The following KIAA0825 variants were observed in gnomAD, a reference collection of about 807,000 sequenced individuals.
KIAA0825 encodes the protein KIAA0825.
A neutral mutation model predicts 147.6 loss-of-function variants in KIAA0825; 119 were observed. That is an observed-to-expected ratio of 0.81 (90% confidence interval 0.69 to 0.94). The LOEUF (loss-of-function observed/expected upper bound fraction) is 0.94, where lower values mean the gene tolerates loss of function less well. KIAA0825 is among the 40% of genes least tolerant of loss of function. KIAA0825 has a pLI of 0.00. For missense variants in KIAA0825, 1,381 were observed against 1,472.7 expected (o/e 0.94, Z 1.02); for synonymous variants, 470 against 518.1 (o/e 0.91, Z 1.26).
At chr5:94,387,979 A>G (rs1278374218) in intron 18 of KIAA0825, among the ~76,000 whole-genome samples, 1 of 152,188 alleles carries the variant, frequency 6.6e-6, no homozygotes, top group African/African-American at 2.4e-5. Flanking sequence ...GAAGTTAACA[A>G]TCATCGTTTT....
chr5:94,426,014 A>G lies in KIAA0825; in HGVS notation c.2498-8649T>C, dbSNP rs569470345. On this transcript the variant is annotated intron_variant, in intron 14 of 20. Coordinates refer to ENST00000682413, the MANE Select transcript of KIAA0825 (RefSeq NM_001145678.3). ...AGGCTCATGCCACTATGCCTGGATA[A>G]TTTTTGTATTATTATTATCATTATT... is the stretch of plus-strand genomic sequence containing the variant. Among the ~76,000 whole-genome samples, 7 of 129,180 alleles carry G rather than the reference A, an allele frequency of 5.4e-5. No individual in the cohort carries two copies. In the South Asian group the frequency reaches 1.6e-3, roughly 29 times the overall value. The allele number at this position is 129,180 out of a possible 152,430, so 84.7% of individuals were successfully genotyped here.
At chr5:94,311,854 C>T (rs889983593) in intron 20 of KIAA0825, among the ~76,000 whole-genome samples, 7 of 151,500 alleles carry the variant, frequency 4.6e-5, no homozygotes, top group Non-Finnish European at 1.0e-4. Flanking sequence ...GGTAAATAAC[C>T]TAAACTTTGG....
intron 20 of KIAA0825, among the ~76,000 whole-genome samples, chr5:94,275,579 T>TTGAA (rs953714019): frequency 3.3e-5 from 5 of 152,140 alleles, no homozygotes; most frequent in Non-Finnish European, 7.4e-5. Context: ...AAAATCTTTG[T>TTGAA]TGAATGAATG....
chr5:94,274,883 T>A (rs1777152882), intron 20 of KIAA0825, among the ~76,000 whole-genome samples: 1 of 152,112 alleles, frequency 6.6e-6, no homozygotes, highest in South Asian at 2.1e-4. Flanking sequence ...CTGACTAGGC[T>A]GGCTTGTGTC....
At chr5:94,553,659 A>C (rs1268849324) in intron 2 of KIAA0825, among the ~76,000 whole-genome samples, 1 of 147,330 alleles carries the variant, frequency 6.8e-6, no homozygotes, top group Non-Finnish European at 1.5e-5. Flanking sequence ...CCAGCTACTC[A>C]GGAGGCTGAG....
chr5:94,552,796 T>C (rs1453348074), intron 2 of KIAA0825, among the ~76,000 whole-genome samples: 1 of 152,172 alleles, frequency 6.6e-6, no homozygotes, highest in East Asian at 1.9e-4. Context: ...TGCTAACACT[T>C]ACATATGATA....
chr5:94,225,421 T>TG (rs1774072282), intron 20 of KIAA0825, among the ~76,000 whole-genome samples: 1 of 152,236 alleles, frequency 6.6e-6, no homozygotes, highest in Non-Finnish European at 1.5e-5. Context: ...CCCCCTGTTA[T>TG]GGACTAAATG....
At chr5:94,343,275 T>C (rs1378210346) in intron 20 of KIAA0825, among the ~76,000 whole-genome samples, 1 of 152,178 alleles carries the variant, frequency 6.6e-6, no homozygotes, top group Non-Finnish European at 1.5e-5. Flanking sequence ...CTTCATGACT[T>C]TGGGGTAGGG....
chr5:94,530,045 T>C (rs1039850817), intron 3 of KIAA0825, among the ~76,000 whole-genome samples: 4 of 151,898 alleles, frequency 2.6e-5, no homozygotes, highest in Non-Finnish European at 5.9e-5. Flanking sequence ...CCAAGGTGGG[T>C]GAATCACCTG....
intron 2 of KIAA0825, among the ~76,000 whole-genome samples, chr5:94,544,946 C>T (rs545159396): frequency 1.3e-4 from 20 of 152,114 alleles, no homozygotes; most frequent in South Asian, 4.2e-4. Flanking sequence ...AAAGAGACAC[C>T]GAGAGGATAG....
chr5:94,289,781 TG>T (rs1201845602), intron 20 of KIAA0825, among the ~76,000 whole-genome samples: 1 of 152,036 alleles, frequency 6.6e-6, no homozygotes, highest in East Asian at 1.9e-4. Context: ...GACTCACGTC[TG>T]CAATCCCACT....
intron 11 of KIAA0825, among the ~76,000 whole-genome samples, chr5:94,463,919 G>A (rs951580163): frequency 6.6e-6 from 1 of 151,778 alleles, no homozygotes; most frequent in Non-Finnish European, 1.5e-5. Context: ...ATTCTTCAGA[G>A]TTCAGTTTTT....
At chr5:94,365,037 C>A (rs1045247681) in intron 20 of KIAA0825, among the ~76,000 whole-genome samples, 4 of 152,084 alleles carry the variant, frequency 2.6e-5, no homozygotes, top group Non-Finnish European at 5.9e-5. Flanking sequence ...CAGGCAAAGA[C>A]GCCATTTGCA....
At chr5:94,470,457 C>G (rs1258784969) in intron 9 of KIAA0825, among the ~76,000 whole-genome samples, 1 of 152,096 alleles carries the variant, frequency 6.6e-6, no homozygotes, top group Non-Finnish European at 1.5e-5. Flanking sequence ...ATTGTTTTTA[C>G]TAGAGAACAA....
chr5:94,570,150 G>A (rs570110556), intron 2 of KIAA0825: 64 of 152,368 alleles, frequency 4.2e-4, no homozygotes, highest in African/African-American at 1.4e-3. Context: ...CACGAAATAG[G>A]ATCAAACAAT....
chr5:94,598,233 A>G (rs567871194), intron 1 of KIAA0825, among the ~76,000 whole-genome samples: 1 of 152,108 alleles, frequency 6.6e-6, no homozygotes, highest in Non-Finnish European at 1.5e-5. Flanking sequence ...ATAAGTTTTT[A>G]AAAAATATTT....
chr5:94,459,223 T>C (rs1467544450), intron 12 of KIAA0825, among the ~76,000 whole-genome samples: 1 of 152,202 alleles, frequency 6.6e-6, no homozygotes, highest in Non-Finnish European at 1.5e-5. Context: ...CATTCACTAG[T>C]TGATGGGCAT....
chr5:94,420,354 G>T (rs1754022303), intron 14 of KIAA0825, among the ~76,000 whole-genome samples: 1 of 152,044 alleles, frequency 6.6e-6, no homozygotes, highest in East Asian at 1.9e-4. Flanking sequence ...TTGTCCCAAG[G>T]TCACAAAAAT....
chr5:94,575,723 A>C (rs1176870205), intron 2 of KIAA0825, among the ~76,000 whole-genome samples: 1 of 152,222 alleles, frequency 6.6e-6, no homozygotes, highest in East Asian at 1.9e-4. Flanking sequence ...ATTTGATATC[A>C]AAGGCTTTTC....
Sources: gnomAD v4.1 joint callset for allele counts (sites outside exome capture counted in the v4.1 genomes callset) on GRCh38, gnomAD v4.1.1 for gene constraint, MANE v1.5 for transcripts, NCBI Gene and HGNC (gene_info 2026-07-23, HGNC 2026-07-21) for gene names.